Variants in FHIT observed in about 807,000 individuals in gnomAD.
FHIT encodes the protein bis(5'-adenosyl)-triphosphatase.
Under a neutral mutation model 17.9 loss-of-function variants are expected in FHIT, and 19 were observed. The ratio of observed to expected loss-of-function variants is 1.06; its 90% CI spans 0.74 to 1.56. The LOEUF (loss-of-function observed/expected upper bound fraction) is 1.56. FHIT is among the 40% of genes most tolerant of loss of function. FHIT has a pLI of 0.00. For synonymous variants in FHIT, 81 were observed against 69.7 expected (o/e 1.16, Z -0.81); for missense variants, 248 against 189.2 (o/e 1.31, Z -1.82).
chr3:60,763,900 T>C (rs916208228), intron 4 of FHIT, among the ~76,000 whole-genome samples: 1 of 152,160 alleles, frequency 6.6e-6, no homozygotes, highest in African/African-American at 2.4e-5. Context: ...CACCCTGAAG[T>C]TTTTCTGTAA....
At chr3:60,746,542 G>T (rs2042360253) in intron 4 of FHIT, among the ~76,000 whole-genome samples, 1 of 152,130 alleles carries the variant, frequency 6.6e-6, no homozygotes, top group South Asian at 2.1e-4. Flanking sequence ...GAAAAGCTCA[G>T]TGTCTGCCAA....
chr3:59,778,151 T>C (rs1432749710), intron 8 of FHIT, among the ~76,000 whole-genome samples: 1 of 152,200 alleles, frequency 6.6e-6, no homozygotes, highest in East Asian at 1.9e-4. Context: ...TGGAACTTTA[T>C]CAGGGATCAA....
chr3:60,250,221 C>G (rs1202945905), intron 5 of FHIT, among the ~76,000 whole-genome samples: 1 of 152,078 alleles, frequency 6.6e-6, no homozygotes, highest in African/African-American at 2.4e-5. Context: ...AGATAGTTTC[C>G]AATTATCCTA....
intron 5 of FHIT, among the ~76,000 whole-genome samples, chr3:60,349,330 G>A (rs1710960902): frequency 6.6e-6 from 1 of 152,112 alleles, no homozygotes; most frequent in South Asian, 2.1e-4. Context: ...ATGATTTCAA[G>A]CTGTTTACGG....
intron 5 of FHIT, among the ~76,000 whole-genome samples, chr3:60,351,728 G>T (rs1699404358): frequency 6.6e-6 from 1 of 152,178 alleles, no homozygotes; most frequent in South Asian, 2.1e-4. Flanking sequence ...AAAATCTAGA[G>T]AATCTAATAG....
intron 4 of FHIT, among the ~76,000 whole-genome samples, chr3:60,717,886 C>G (rs564749824): frequency 6.6e-6 from 1 of 152,236 alleles, no homozygotes; most frequent in Non-Finnish European, 1.5e-5. Context: ...GAAATCAACT[C>G]AACAAAAGCT....
At chr3:60,417,858 A>G (rs1455060098) in intron 5 of FHIT, among the ~76,000 whole-genome samples, 1 of 152,166 alleles carries the variant, frequency 6.6e-6, no homozygotes, top group Non-Finnish European at 1.5e-5. Context: ...GAGGTCTGCA[A>G]ACTTGACTTC....
intron 4 of FHIT, among the ~76,000 whole-genome samples, chr3:60,626,104 G>A (rs1187278135): frequency 1.3e-5 from 2 of 152,104 alleles, no homozygotes; most frequent in Non-Finnish European, 2.9e-5. Flanking sequence ...TGTTATGTCA[G>A]CACTACACTC....
chr3:61,161,206 T>C (rs2037682241), intron 2 of FHIT, among the ~76,000 whole-genome samples: 1 of 150,746 alleles, frequency 6.6e-6, no homozygotes, highest in Admixed American at 6.6e-5. Context: ...GAAAACAAAT[T>C]GCTTTTTTTT....
At chr3:60,333,619 T>C (rs1393406971) in intron 5 of FHIT, among the ~76,000 whole-genome samples, 3 of 152,210 alleles carry the variant, frequency 2.0e-5, no homozygotes, top group Non-Finnish European at 4.4e-5. Context: ...ATATACTTAC[T>C]TTCCTAGATT....
At chr3:60,621,773 T>G (rs1381250833) in intron 4 of FHIT, among the ~76,000 whole-genome samples, 2 of 151,076 alleles carry the variant, frequency 1.3e-5, no homozygotes, top group Non-Finnish European at 2.9e-5. Flanking sequence ...ACTGGGAGGC[T>G]GAGGAGGGAA....
At chr3:60,559,923 G>A (rs1207644263) in intron 4 of FHIT, among the ~76,000 whole-genome samples, 1 of 152,144 alleles carries the variant, frequency 6.6e-6, no homozygotes, top group Non-Finnish European at 1.5e-5. Flanking sequence ...ATGGCATGAG[G>A]TCTTTTCTTT....
intron 4 of FHIT, among the ~76,000 whole-genome samples, chr3:60,786,359 G>C (rs1404929433): frequency 6.6e-6 from 1 of 152,170 alleles, no homozygotes; most frequent in African/African-American, 2.4e-5. Context: ...TCTTGCTTTA[G>C]TTGATATCTT....
chr3:60,095,568 C>T (rs1703910853), intron 5 of FHIT, among the ~76,000 whole-genome samples: 1 of 152,144 alleles, frequency 6.6e-6, no homozygotes, highest in African/African-American at 2.4e-5. Context: ...GTGAGTCTTG[C>T]TCAGGAGAAA....
chr3:60,919,900 G>A (rs1386759318), intron 3 of FHIT, among the ~76,000 whole-genome samples: 3 of 152,088 alleles, frequency 2.0e-5, no homozygotes, highest in Admixed American at 1.3e-4. Context: ...TAGGTGTGGT[G>A]GCATGTGCCT....
chr3:60,992,877 A>T (rs2030357625), intron 3 of FHIT, among the ~76,000 whole-genome samples: 1 of 152,244 alleles, frequency 6.6e-6, no homozygotes, highest in Non-Finnish European at 1.5e-5. Flanking sequence ...GTATTTAGAA[A>T]GTACTTTCTG....
rs189730630 is a variant in FHIT, at chr3:60,755,337, C to A, written c.-18+66582G>T. Among the ~76,000 whole-genome samples, 241 of 152,322 alleles carry A rather than the reference C, an allele frequency of 1.6e-3. 2 individuals carry two copies. The highest frequency in any genetic ancestry group is 0.013 in the South Asian group (61 of 4,826). ...GAAGGGGGCAGCAGCCAGTCAGTCC[C>A]ATCCCATTGCTGTCAGGTGGGAATG... On this transcript the variant is annotated intron_variant, in intron 4 of 9. Transcript: ENST00000492590.
intron 4 of FHIT, among the ~76,000 whole-genome samples, chr3:60,698,603 C>G (rs2041167674): frequency 6.6e-6 from 1 of 152,100 alleles, no homozygotes; most frequent in Admixed American, 6.5e-5. Flanking sequence ...TCAAAACAAA[C>G]CTTCCAACAG....
At chr3:60,884,849 G>A (rs1705142816) in intron 3 of FHIT, among the ~76,000 whole-genome samples, 1 of 150,004 alleles carries the variant, frequency 6.7e-6, no homozygotes, top group Admixed American at 6.7e-5. Flanking sequence ...AGGCTGCAGA[G>A]GGCCGTGTCT....
Sources: allele counts gnomAD v4.1 joint callset (sites outside exome capture counted in the v4.1 genomes callset), GRCh38; gene constraint gnomAD v4.1.1; transcripts MANE v1.5; gene names NCBI Gene and HGNC (gene_info 2026-07-23, HGNC 2026-07-21).